SPTBN4: variants seen among roughly 807,000 people sequenced by gnomAD.
SPTBN4 encodes spectrin beta, non-erythrocytic 4, also known as spectrin beta chain, non-erythrocytic 4.
SPTBN4 carries 96 observed loss-of-function variants against 277.8 expected under a neutral mutation model. That is an observed-to-expected ratio of 0.35 (90% CI 0.29 to 0.41). The LOEUF is 0.41. SPTBN4 is among the 10% of genes least tolerant of loss of function. The probability of loss-of-function intolerance (pLI) is 1.00; values close to 1 mark genes in which losing one functional copy is unlikely to be tolerated. For synonymous variants in SPTBN4, 1,481 were observed against 1,580.3 expected (o/e 0.94, Z 1.49); for missense variants, 3,006 against 3,595.7 (o/e 0.84, Z 4.19).
chr19:40,493,086 T>G (rs1393360752), intron 5 of SPTBN4, 32 bp downstream of exon 5: 12 of 1,602,988 alleles, frequency 7.5e-6, no homozygotes, highest in Non-Finnish European at 9.4e-6. Context: ...CTTAGGAGGT[T>G]AGGCAAGTGG....
In SPTBN4 at chr19:40,512,911, C is replaced by T. The variant is rs1266763512; in HGVS notation, c.2122C>T (p.Leu708=). The T allele has an allele frequency of 7.0e-7, 1 of 1,427,926 alleles. No individual in the cohort carries two copies. The highest frequency in any genetic ancestry group is 9.1e-7 in the Non-Finnish European group (1 of 1,101,768). The allele number at this position is 1,427,926 out of a possible 1,614,324, so 88.5% of individuals were successfully genotyped here. A position where few individuals can be genotyped will look rare whatever the true frequency, so the allele number is the denominator to read the frequency against. Residue 708 remains leucine, a synonymous_variant, in exon 14 of 36, where the codon CTG becomes TTG. Transcript: ENST00000598249. ...CCAGCACAAGATCCTGCAGGGCGAG[C>T]TGGGCGGGCGGCGAGCGTTGCTGCA... is the stretch of plus-strand genomic sequence containing the variant. ...LAQHKILQGE[L]GGRRALLQQA...
rs772890458 is a variant in SPTBN4 at position 40,570,492 on chromosome 19, G to C, written c.7083G>C (p.Glu2361Asp). 6.4e-7 allele frequency: 1 copy of C among 1,552,400 alleles called. No individual in the cohort carries two copies. The highest frequency in any genetic ancestry group is 1.1e-5 in the South Asian group (1 of 87,442). The change falls in exon 33 of 36, where the codon GAG (glutamate) becomes GAC (aspartate). Residue 2361 changes from glutamate (E) to aspartate (D), a missense_variant. Glu to Asp is a conservative substitution (Grantham distance 45). Transcript: ENST00000598249. ...CAGGTCGCCTGCCCAACGGGCTTGA[G>C]CTGCCCGAGCGGACACCTCGGCCGG... ...LPPGRLPNGLELPERTPRPDR... is the reference protein window; with the variant it reads ...LPPGRLPNGLDLPERTPRPDR...
rs2080630476 is a variant in SPTBN4 at position 40,529,138 on chromosome 19, A to G, written c.3948+7A>G. On this transcript the variant is annotated splice_region_variant and intron_variant, in intron 18 of 35. Coordinates refer to ENST00000598249, the MANE Select transcript of SPTBN4 (RefSeq NM_020971.3). Reference sequence around the variant, plus strand: ...CCTCCGAGACTGCCACGAGGTAGGAACTCCAGGTGTGCTGGGGACGGAGAC... The same window carrying G: ...CCTCCGAGACTGCCACGAGGTAGGAGCTCCAGGTGTGCTGGGGACGGAGAC... 1 of 1,611,830 alleles carries G rather than the reference A, an allele frequency of 6.2e-7. No individual in the cohort carries two copies. The highest frequency in any genetic ancestry group is 1.7e-4 in the Middle Eastern group (1 of 6,058).
At chr19:40,552,461 AAAAAAAAAAAAAAGATT>A (rs1434105805) in intron 22 of SPTBN4, among the ~76,000 whole-genome samples, 5 of 151,428 alleles carry the variant, frequency 3.3e-5, no homozygotes, top group African/African-American at 7.3e-5. Context: ...GTCTCAAAAA[AAAAAAAAAAAAAAGATT>A]AAAAAAAAAA....
chr19:40,492,402 C>A (rs1187970132), intron 4 of SPTBN4, among the ~76,000 whole-genome samples: 1 of 151,888 alleles, frequency 6.6e-6, no homozygotes, highest in African/African-American at 2.4e-5. Flanking sequence ...GATGGAACAG[C>A]CAGTGCTAAA....
chr19:40,519,912 G>A lies in SPTBN4; in HGVS notation c.3415G>A (p.Val1139Met). ...GCGCCACGCTGCGCTCAAGGAGGAG[G>A]TGGACCAGCGCGAGGAAGACTATGC... ...LARHAALKEE[V>M]DQREEDYARI... The change falls in exon 16 of 36, where the codon GTG becomes ATG. Residue 1139 changes from valine (V) to methionine (M), a missense_variant. Physicochemically the swap from Val to Met is conservative, Grantham distance 21. Around this residue, in one of 5 missense-constraint regions of SPTBN4, gnomAD observed 1,759 missense variants for 2,061.5 expected, o/e 0.85. Coordinates refer to ENST00000598249, the MANE Select transcript of SPTBN4 (RefSeq NM_020971.3). The surrounding 1 kb of genome is among the most constrained non-coding windows in gnomAD (Gnocchi z 5.7). The A allele has an allele frequency of 1.9e-6, 3 of 1,555,826 alleles. No individual in the cohort carries two copies. The highest frequency in any genetic ancestry group is 1.4e-5 in the African/African-American group (1 of 71,824).
chr19:40,525,545 G>C (rs2080580727), intron 17 of SPTBN4, among the ~76,000 whole-genome samples: 1 of 152,096 alleles, frequency 6.6e-6, no homozygotes, highest in Admixed American at 6.6e-5. Context: ...AGGAGGAGGA[G>C]CCCGGGGGAC....
At chr19:40,550,350 G>A (rs753182130) in intron 22 of SPTBN4, 23 bp downstream of exon 22, 2 of 1,601,306 alleles carry the variant, frequency 1.2e-6, no homozygotes, top group Non-Finnish European at 1.7e-6. Context: ...AGGTGAGGGA[G>A]CGAGTTAGGA....
chr19:40,502,057 G>T lies in SPTBN4; in HGVS notation c.897+24G>T, dbSNP rs766888431. On this transcript the variant is annotated intron_variant, in intron 8 of 35. Coordinates refer to ENST00000598249, the MANE Select transcript of SPTBN4 (RefSeq NM_020971.3). This position sits in a 1 kb window ranked among gnomAD's most constrained non-coding sequence, Gnocchi z 4.9. ...AGGTATAAGGAGCCAAGGAGTGGGT[G>T]AGTGGGAAGCTGGAAGCTGGTGGCA... 1 of 1,613,890 alleles carries T rather than the reference G, an allele frequency of 6.2e-7. No homozygotes were observed. Among genetic ancestry groups the T allele is most frequent in the African/African-American group, 1.3e-5 (1 of 74,950 alleles).
At position 40,513,089 on chromosome 19, in the gene SPTBN4, G is replaced by T. The variant is rs2080412102; in HGVS notation, c.2300G>T (p.Arg767Leu). ...GAAGAGGCGGCGGCGCGGCGAGAGCGGCGGCTGCAGGAGGCGCGGGCGCTG... is the reference window on the plus strand; with the variant it reads ...GAAGAGGCGGCGGCGCGGCGAGAGCTGCGGCTGCAGGAGGCGCGGGCGCTG... ...RLEEAAARRE[R>L]RLQEARALHQ... Residue 767 changes from arginine (R) to leucine (L), a missense_variant, in exon 14 of 36, where the codon CGG becomes CTG. Physicochemically the swap from Arg to Leu is moderately radical, Grantham distance 102. Coordinates refer to ENST00000598249, the MANE Select transcript of SPTBN4 (RefSeq NM_020971.3). The T allele has an allele frequency of 7.1e-7, 1 of 1,418,254 alleles. No homozygotes were observed. The allele number at this position is 1,418,254 out of a possible 1,614,324, so 87.9% of individuals were successfully genotyped here.
In SPTBN4 at chr19:40,570,624, C is replaced by A; in HGVS notation, c.7215C>A (p.Gly2405=). The change falls in exon 33 of 36, where the codon GGC becomes GGA. Residue 2405 remains glycine (G), a synonymous_variant. Coordinates refer to ENST00000598249, the MANE Select transcript of SPTBN4 (RefSeq NM_020971.3). ...SRRSRSAPAQ[G]GSAPAPPPPP... is the part of the protein sequence containing the mutation. ...GCTCGCGCTCCGCCCCGGCCCAGGG[C>A]GGCTCCGCCCCCGCGCCTCCGCCAC... The A allele has an allele frequency of 6.8e-7, 1 of 1,477,030 alleles. No homozygotes were observed. Among genetic ancestry groups the A allele is most frequent in the Non-Finnish European group, 9.0e-7 (1 of 1,114,022 alleles). The allele number at this position is 1,477,030 out of a possible 1,614,324, so 91.5% of individuals were successfully genotyped here.
At chr19:40,498,229 A>G (rs814537) in intron 7 of SPTBN4, among the ~76,000 whole-genome samples, 109,298 of 151,710 alleles carry the variant, frequency 0.72, 41,333 homozygotes, top group African/African-American at 0.92. Context: ...CCTGACACCC[A>G]TCTCCCATCC....
chr19:40,542,374 A>G (rs2080811437), intron 20 of SPTBN4, among the ~76,000 whole-genome samples: 1 of 152,016 alleles, frequency 6.6e-6, no homozygotes, highest in Admixed American at 6.6e-5. Context: ...GTGACCCAGA[A>G]TCCTCTCTCG....
intron 24 of SPTBN4, among the ~76,000 whole-genome samples, chr19:40,555,457 C>G (rs1482992723): frequency 7.3e-6 from 1 of 136,794 alleles, no homozygotes; most frequent in African/African-American, 2.8e-5. Flanking sequence ...CGCCACTGCA[C>G]TCCAGCCTGG....
rs370019980 is a variant in SPTBN4 at position 40,513,300 on chromosome 19, G to A, written c.2511G>A (p.Ala837=). The A allele has an allele frequency of 3.9e-6, 6 of 1,556,412 alleles. No homozygotes were observed. The highest frequency in any genetic ancestry group is 4.3e-6 in the Non-Finnish European group (5 of 1,154,784). The part of the protein sequence containing the change: ...GPVSGLRRQL[A]TLGGASGAGP... ...TGAGCGGCCTGCGGCGCCAGCTGGC[G>A]ACACTCGGGGGTGCCAGTGGCGCAG... The change falls in exon 14 of 36, where the codon GCG becomes GCA. Residue 837 remains alanine (A), a synonymous_variant. Coordinates refer to ENST00000598249, the MANE Select transcript of SPTBN4 (RefSeq NM_020971.3).
Position 40,567,760 on chromosome 19 carries a change from C to T in SPTBN4, c.6434C>T (p.Ala2145Val), listed in dbSNP as rs1166728004. Residue 2145 changes from alanine (A) to valine (V), a missense_variant, in exon 31 of 36, where the codon GCG becomes GTG. Physicochemically the swap from Ala to Val is moderately conservative, Grantham distance 64 (BLOSUM62 0). Transcript: ENST00000598249. ...CCCACGGAACTGGCGGCCAAGGCGG[C>T]GCCCCTGCTGCGGCCAGGGGGCTAT... ...GDPTELAAKA[A>V]PLLRPGGYER... 2 of 1,541,266 alleles carry T rather than the reference C, an allele frequency of 1.3e-6. No individual in the cohort carries two copies. The highest frequency in any genetic ancestry group is 1.7e-6 in the Non-Finnish European group (2 of 1,144,036).
At chr19:40,527,979 C>CT (rs1209208065) in intron 17 of SPTBN4, among the ~76,000 whole-genome samples, 2 of 144,712 alleles carry the variant, frequency 1.4e-5, no homozygotes, top group African/African-American at 2.6e-5. Context: ...TCGCTTGAAC[C>CT]TGGGGGGTGG....
At chr19:40,481,107 T>C (rs957253103) in intron 2 of SPTBN4, among the ~76,000 whole-genome samples, 6 of 152,202 alleles carry the variant, frequency 3.9e-5, no homozygotes, top group Non-Finnish European at 2.9e-5. Flanking sequence ...TTCTCAAGTT[T>C]CTAGTACACA....
Position 40,490,104 on chromosome 19 carries a change from C to T in SPTBN4, c.351C>T (p.Ile117=), listed in dbSNP as rs757462192. The T allele has an allele frequency of 1.2e-6, 2 of 1,613,430 alleles. No homozygotes were observed. Among genetic ancestry groups the T allele is most frequent in the East Asian group, 2.2e-5 (1 of 44,836 alleles). Residue 117 remains isoleucine (I), a synonymous_variant, in exon 4 of 36, where the codon ATC becomes ATT. Transcript: ENST00000598249. This position sits in a 1 kb window ranked among gnomAD's most constrained non-coding sequence, Gnocchi z 4.3. ...GGCCCACGCGCGGCCGCATGCGGAT[C>T]CACTCACTGGAGAACGTGGACAAGG... is the stretch of plus-strand genomic sequence containing the variant. ...LPRPTRGRMR[I]HSLENVDKAL...
Sources: allele counts gnomAD v4.1 joint callset (sites outside exome capture counted in the v4.1 genomes callset), GRCh38; gene constraint gnomAD v4.1.1; regional missense constraint gnomAD v4.1.1; non-coding constraint Gnocchi (gnomAD v3.1); transcripts MANE v1.5; gene names NCBI Gene and HGNC (gene_info 2026-07-23, HGNC 2026-07-21).